Variants in PTGIR observed in about 807,000 individuals in gnomAD.
PTGIR encodes the protein prostacyclin receptor.
A neutral mutation model predicts 17.6 loss-of-function variants in PTGIR; 16 were observed. That is an observed-to-expected ratio of 0.91 (90% CI 0.61 to 1.38). The LOEUF (loss-of-function observed/expected upper bound fraction) is 1.38. Ranked by LOEUF, PTGIR falls within the 40% of genes most tolerant of loss-of-function variation. PTGIR has a pLI of 0.00. For missense variants in PTGIR, 532 were observed against 548.6 expected, an observed-to-expected ratio of 0.97 and a Z score of 0.30; for synonymous variants, 274 against 255.4, an observed-to-expected ratio of 1.07 and a Z score of -0.69.
At chr19:46,616,326 C>CTTTTTTTTTTTT, downstream of PTGIR, among the ~76,000 whole-genome samples, 65 of 66,546 alleles carry the variant, frequency 9.8e-4, 10 homozygotes, top group African/African-American at 4.0e-3. Context: ...GACAGAAATG[C>CTTTTTTTTTTTT]TTTTTTTTTT....
chr19:46,611,904 T>TA, the PTGIR span, among the ~76,000 whole-genome samples: 1 of 152,216 alleles, frequency 6.6e-6, no homozygotes, highest in Non-Finnish European at 1.5e-5. Context: ...GTCAGTGGAA[T>TA]AAAAAGAGGT....
At chr19:46,617,934 G>A (rs1764791499), downstream of PTGIR, among the ~76,000 whole-genome samples, 1 of 151,188 alleles carries the variant, frequency 6.6e-6, no homozygotes, top group Non-Finnish European at 1.5e-5. Context: ...CGCCTCCCAG[G>A]TTCAAGCAAT....
chr19:46,613,597 A>G, the PTGIR span, among the ~76,000 whole-genome samples: 3 of 151,974 alleles, frequency 2.0e-5, no homozygotes, highest in Admixed American at 1.3e-4. Flanking sequence ...CTCCCAAAGT[A>G]CTAGGATTAC....
At chr19:46,622,985 T>TC (rs1292757184) in intron 2 of PTGIR, 3 of 147,776 alleles carry the variant, frequency 2.0e-5, no homozygotes, top group African/African-American at 7.7e-5. Context: ...TTCTTATTTT[T>TC]TTTTTTTTTT....
At position 46,620,769 on chromosome 19, in the gene PTGIR, G is replaced by A; in HGVS notation, c.*511C>T. On this transcript the variant is annotated 3_prime_UTR_variant, in exon 3 of 3. Coordinates refer to ENST00000291294, the MANE Select transcript of PTGIR (RefSeq NM_000960.4). Reference sequence around the variant, plus strand: ...GCCAGGGCTCCCAAGCCTGGTGGGGGACCAGCGGCAAGGGAAGGCAGGGAG... The same window carrying A: ...GCCAGGGCTCCCAAGCCTGGTGGGGAACCAGCGGCAAGGGAAGGCAGGGAG... 1 of 986,110 alleles carries A rather than the reference G, an allele frequency of 1.0e-6. No individual in the cohort carries two copies. The highest frequency in any genetic ancestry group is 1.2e-6 in the Non-Finnish European group (1 of 830,092). The allele number at this position is 986,110 out of a possible 1,614,324, so 61.1% of individuals were successfully genotyped here.
chr19:46,614,818 C>T, the PTGIR span, among the ~76,000 whole-genome samples: 3 of 151,754 alleles, frequency 2.0e-5, no homozygotes, highest in Non-Finnish European at 4.4e-5. Flanking sequence ...GTCAGGAGTT[C>T]GAGACCAGCC....
chr19:46,615,320 T>A, the PTGIR span, among the ~76,000 whole-genome samples: 1 of 152,230 alleles, frequency 6.6e-6, no homozygotes, highest in Non-Finnish European at 1.5e-5. Context: ...GGAGGACGTA[T>A]GTAGGTTATA....
the PTGIR span, among the ~76,000 whole-genome samples, chr19:46,613,441 A>G: frequency 1.4e-5 from 2 of 148,090 alleles, no homozygotes; most frequent in African/African-American, 2.5e-5. Flanking sequence ...GGTTCAAGCA[A>G]TTCTCCTGCC....
chr19:46,616,543 A>C (rs191070189), downstream of PTGIR, among the ~76,000 whole-genome samples: 749 of 151,918 alleles, frequency 4.9e-3, 3 homozygotes, highest in Non-Finnish European at 8.3e-3. Flanking sequence ...CATATTGGCC[A>C]GGTTGGTCTC....
Position 46,621,753 on chromosome 19 carries a change from C to T in PTGIR, c.769-81G>A. ...CTGGCTCCCTCCTCCCACTTGCTTA[C>T]CAGGGATGAGGTAGGGGTGACATGT... On this transcript the variant is annotated intron_variant, in intron 2 of 2. Transcript: ENST00000291294. The surrounding 1 kb of genome is among the most constrained non-coding windows in gnomAD (Gnocchi z 4.8). 6.6e-7 allele frequency: 1 copy of T among 1,519,224 alleles called. No individual in the cohort carries two copies. The highest frequency in any genetic ancestry group is 8.8e-7 in the Non-Finnish European group (1 of 1,132,506). 94.1% of individuals were successfully genotyped at this position (1,519,224 alleles called of 1,614,324 possible).
downstream of PTGIR, among the ~76,000 whole-genome samples, chr19:46,618,114 A>C (rs1424939689): frequency 6.7e-6 from 1 of 148,784 alleles, no homozygotes; most frequent in Non-Finnish European, 1.5e-5. Context: ...TCCCGGGTTC[A>C]CACCATTCTC....
rs767402735 is a variant in PTGIR at position 46,623,854 on chromosome 19, G to T, written c.372C>A (p.Pro124=). 1.9e-6 allele frequency: 3 copies of T among 1,609,886 alleles called. No homozygotes were observed. The highest frequency in any genetic ancestry group is 2.5e-6 in the Non-Finnish European group (3 of 1,178,748). The change falls in exon 2 of 3, where the codon CCC becomes CCA. Residue 124 remains proline, a synonymous_variant. Coordinates refer to ENST00000291294, the MANE Select transcript of PTGIR (RefSeq NM_000960.4). ...AVERCLALSH[P]YLYAQLDGPR... Reference sequence around the variant, plus strand: ...GCCCGTCCAGCTGCGCGTAGAGGTAGGGGTGGCTCAGCGCCAGGCAGCGCT... The same window carrying T: ...GCCCGTCCAGCTGCGCGTAGAGGTATGGGTGGCTCAGCGCCAGGCAGCGCT...
Position 46,620,690 on chromosome 19 carries a change from C to A in PTGIR, c.*590G>T. On this transcript the variant is annotated 3_prime_UTR_variant, in exon 3 of 3. Coordinates refer to ENST00000291294, the MANE Select transcript of PTGIR (RefSeq NM_000960.4). ...CTTTTTGTACCAAGCACATGTCCTA[C>A]GTCATCACCCACAATGCAGCAGCCT... 1 of 985,942 alleles carries A rather than the reference C, an allele frequency of 1.0e-6. No individual in the cohort carries two copies. The highest frequency in any genetic ancestry group is 1.2e-6 in the Non-Finnish European group (1 of 829,984). 61.1% of individuals were successfully genotyped at this position (985,942 alleles called of 1,614,324 possible).
At chr19:46,617,275 CG>C (rs1971976422), downstream of PTGIR, among the ~76,000 whole-genome samples, 2 of 152,222 alleles carry the variant, frequency 1.3e-5, no homozygotes, top group South Asian at 4.1e-4. Flanking sequence ...GGACAGGACC[CG>C]GGCAGCTGGC....
chr19:46,619,547 AAG>A (rs200797814), downstream of PTGIR, among the ~76,000 whole-genome samples: 2,037 of 87,676 alleles, frequency 0.023, 46 homozygotes, highest in Non-Finnish European at 0.035. Context: ...GAAAGAAAGA[AAG>A]AGAGAGAGAG....
At position 46,623,552 on chromosome 19, in the gene PTGIR, C is replaced by A; in HGVS notation, c.674G>T (p.Gly225Val). Residue 225 changes from glycine to valine, a missense_variant, in exon 2 of 3, where the codon GGT becomes GTT. Coordinates refer to ENST00000291294, the MANE Select transcript of PTGIR (RefSeq NM_000960.4). ...RQQKRHQGSL[G>V]PRPRTGEDEV... ...GTCCTCTCCGGTGCGCGGCCGTGGA[C>A]CCAGAGAGCCCTGGTGGCGCTTCTG... The A allele has an allele frequency of 1.3e-6, 2 of 1,555,930 alleles. No homozygotes were observed. Among genetic ancestry groups the A allele is most frequent in the Non-Finnish European group, 1.7e-6 (2 of 1,149,558 alleles).
At chr19:46,622,310 A>G (rs2122335888) in intron 2 of PTGIR, 8 of 985,398 alleles carry the variant, frequency 8.1e-6, no homozygotes, top group Non-Finnish European at 9.6e-6. Context: ...GTGGGAGATC[A>G]GGCTCTACAA....
intron 2 of PTGIR, chr19:46,622,859 A>T (rs1390019394): frequency 1.3e-5 from 2 of 152,256 alleles, no homozygotes; most frequent in Non-Finnish European, 2.9e-5. Context: ...ACAGGCCATC[A>T]TGCCAGGCTA....
Position 46,621,431 on chromosome 19 carries a change from G to T in PTGIR, c.1010C>A (p.Ser337Tyr). ...GCTCCCCTCCTTTCCCACAGGAGCA[G>T]AGGGGGCCCTTGGGTCCCTCCTCCC... is the stretch of plus-strand genomic sequence containing the variant. Reference protein sequence around the residue: ...ASGRRDPRAPSAPVGKEGSCV... With the variant: ...ASGRRDPRAPYAPVGKEGSCV... The change falls in exon 3 of 3, where the codon TCT becomes TAT. Residue 337 changes from serine (S) to tyrosine (Y), a missense_variant. Ser to Tyr is a moderately radical substitution (Grantham distance 144, BLOSUM62 -2). Transcript: ENST00000291294. The surrounding 1 kb of genome is among the most constrained non-coding windows in gnomAD (Gnocchi z 4.8). 1 of 1,613,238 alleles carries T rather than the reference G, an allele frequency of 6.2e-7. No individual in the cohort carries two copies. The highest frequency in any genetic ancestry group is 2.2e-5 in the East Asian group (1 of 44,864).
Sources: allele counts gnomAD v4.1 joint callset (sites outside exome capture counted in the v4.1 genomes callset), GRCh38; gene constraint gnomAD v4.1.1; non-coding constraint Gnocchi (gnomAD v3.1); transcripts MANE v1.5; gene names NCBI Gene and HGNC (gene_info 2026-07-23, HGNC 2026-07-21).